Variants in NTMT1 observed in about 807,000 individuals in gnomAD.
NTMT1 encodes the protein N-terminal Xaa-Pro-Lys N-methyltransferase 1.
Under a neutral mutation model 17.5 loss-of-function variants are expected in NTMT1, and 8 were observed. The ratio of observed to expected loss-of-function variants is 0.46; its 90% CI spans 0.27 to 0.82. NTMT1 has a LOEUF of 0.82. NTMT1 is among the 40% of genes least tolerant of loss of function. The probability of loss-of-function intolerance (pLI) is 0.15; values close to 1 mark genes in which losing one functional copy is unlikely to be tolerated. For synonymous variants in NTMT1, 128 were observed against 126.8 expected, an observed-to-expected ratio of 1.01 and a Z score of -0.06; for missense variants, 221 against 303.5, an observed-to-expected ratio of 0.73 and a Z score of 2.02.
chr9:129,619,387 A>G (rs867489724), intron 1 of NTMT1: 2 of 697,810 alleles, frequency 2.9e-6, no homozygotes, highest in South Asian at 3.5e-5. Flanking sequence ...ATTCACGGAC[A>G]GCCATATGTA....
At chr9:129,619,725 C>A (rs760868670) in intron 1 of NTMT1, 1 of 1,613,622 alleles carries the variant, frequency 6.2e-7, no homozygotes, top group Non-Finnish European at 8.5e-7. Flanking sequence ...CACCAAGAAG[C>A]GGACTGACGC....
chr9:129,610,223 AAAGG>A (rs1284775611), intron 1 of NTMT1, among the ~76,000 whole-genome samples: 18 of 16,178 alleles, frequency 1.1e-3, no homozygotes, highest in East Asian at 5.6e-3. Flanking sequence ...GGGGGAGGGG[AAAGG>A]GGGAGGGAGA....
At chr9:129,628,218 ACCT>A (rs761646415) in intron 1 of NTMT1, among the ~76,000 whole-genome samples, 2 of 151,720 alleles carry the variant, frequency 1.3e-5, no homozygotes, top group Non-Finnish European at 2.9e-5. Flanking sequence ...ACTCTTAGGG[ACCT>A]CCTCCTGCCC....
chr9:129,635,190 T>C lies in NTMT1; in HGVS notation c.416-18T>C. 1.3e-6 allele frequency: 2 copies of C among 1,598,732 alleles called. No individual in the cohort carries two copies. The highest frequency in any genetic ancestry group is 2.2e-5 in the East Asian group (1 of 44,678). On this transcript the variant is annotated intron_variant, in intron 3 of 3. Transcript: ENST00000372483. Reference sequence around the variant, plus strand: ...CGCTTGCATGGTGCCCTGGTAACCTTGCCTCTGCCCTCCCCAGGCCACCTC... The same window carrying C: ...CGCTTGCATGGTGCCCTGGTAACCTCGCCTCTGCCCTCCCCAGGCCACCTC...
chr9:129,619,985 G>A, intron 1 of NTMT1: 2 of 1,465,662 alleles, frequency 1.4e-6, no homozygotes, highest in South Asian at 1.3e-5. Context: ...CTGGGTGGTG[G>A]GGTGGTGGGT....
intron 1 of NTMT1, chr9:129,612,562 A>G (rs1830143546): frequency 1.3e-6 from 1 of 793,048 alleles, no homozygotes; most frequent in African/African-American, 1.7e-5. Context: ...TAGTGCTGTC[A>G]GCCCCATTTT....
chr9:129,610,621 G>C (rs989166071), intron 1 of NTMT1, among the ~76,000 whole-genome samples: 4 of 151,902 alleles, frequency 2.6e-5, no homozygotes, highest in Non-Finnish European at 5.9e-5. Flanking sequence ...CGCGAGCGCC[G>C]CGCGAGGGGA....
chr9:129,623,241 G>A (rs1354396337), upstream of NTMT1, among the ~76,000 whole-genome samples: 1 of 151,668 alleles, frequency 6.6e-6, no homozygotes, highest in Non-Finnish European at 1.5e-5. Flanking sequence ...GCTGAGGCAG[G>A]AGAATGGCGT....
chr9:129,634,032 G>A (rs927940811), intron 2 of NTMT1, 22 bp from the exon 3 acceptor site: 2 of 1,611,248 alleles, frequency 1.2e-6, no homozygotes, highest in Non-Finnish European at 1.7e-6. Flanking sequence ...CCTCTGATAG[G>A]TTATATGCCT....
intron 1 of NTMT1, among the ~76,000 whole-genome samples, chr9:129,616,574 T>C (rs1362412592): frequency 2.0e-5 from 3 of 152,170 alleles, no homozygotes; most frequent in African/African-American, 7.2e-5. Flanking sequence ...CCCAGCCACG[T>C]GGCCTTTGGT....
At position 129,613,464 on chromosome 9, in the gene NTMT1, G is replaced by C. The variant is rs1473360629; in HGVS notation, c.-55+4286G>C. On this transcript the variant is annotated intron_variant, in intron 1 of 3. Transcript: ENST00000372486. The surrounding 1 kb of genome is among the most constrained non-coding windows in gnomAD (Gnocchi z 6.2). ...CAGCGCAGTCCCAACACGAGGAGCT[G>C]GCCAGGGTCTCCTCCTTGGCCCCAG... 1.2e-6 allele frequency: 2 copies of C among 1,614,072 alleles called. No individual in the cohort carries two copies. Among genetic ancestry groups the C allele is most frequent in the East Asian group, 2.2e-5 (1 of 44,876 alleles).
intron 1 of NTMT1, chr9:129,619,756 A>G: frequency 6.2e-7 from 1 of 1,613,940 alleles, no homozygotes; most frequent in Non-Finnish European, 8.5e-7. Flanking sequence ...TCTGGGAGGA[A>G]TGAACAGTTG....
intron 1 of NTMT1, among the ~76,000 whole-genome samples, chr9:129,616,763 C>T (rs1830409397): frequency 6.6e-6 from 1 of 152,126 alleles, no homozygotes. Flanking sequence ...TCATAGATAA[C>T]ATTGTTCCAT....
At position 129,620,126 on chromosome 9, in the gene NTMT1, C is replaced by G. The variant is rs1346891573; in HGVS notation, c.-55+10948C>G. 35 of 1,456,722 alleles carry G rather than the reference C, an allele frequency of 2.4e-5. 1 individual carries two copies. The highest frequency in any genetic ancestry group is 2.9e-5 in the African/African-American group (2 of 69,714). 90.2% of individuals were successfully genotyped at this position (1,456,722 alleles called of 1,614,324 possible). ...GAGCTGGTGCAGGAACTCACGGAACCTGCTGGGGAGGAGCTCTCCTAGGAA... is the reference window on the plus strand; with the variant it reads ...GAGCTGGTGCAGGAACTCACGGAACGTGCTGGGGAGGAGCTCTCCTAGGAA... On this transcript the variant is annotated intron_variant, in intron 1 of 3. Coordinates refer to the NTMT1 transcript ENST00000372486. The surrounding 1 kb of genome is among the most constrained non-coding windows in gnomAD (Gnocchi z 5.8).
chr9:129,630,994 C>T (rs1449459649), intron 1 of NTMT1, among the ~76,000 whole-genome samples: 1 of 152,172 alleles, frequency 6.6e-6, no homozygotes, highest in Non-Finnish European at 1.5e-5. Context: ...CACTCGAGGC[C>T]ACCCTCATCC....
At chr9:129,623,349 G>A (rs202049947), upstream of NTMT1, among the ~76,000 whole-genome samples, 25 of 143,602 alleles carry the variant, frequency 1.7e-4, no homozygotes, top group African/African-American at 2.3e-4. Context: ...AAAAAAAGAA[G>A]GAAGGAAGGA....
intron 1 of NTMT1, among the ~76,000 whole-genome samples, chr9:129,610,378 C>T (rs1830086834): frequency 6.6e-6 from 1 of 151,708 alleles, no homozygotes; most frequent in Non-Finnish European, 1.5e-5. Flanking sequence ...CGAGACCCGC[C>T]CCGGGGGCTC....
intron 2 of NTMT1, chr9:129,633,555 C>G (rs1307621188): frequency 6.4e-6 from 1 of 156,086 alleles, no homozygotes; most frequent in Non-Finnish European, 1.4e-5. Flanking sequence ...CAGTGGCTCA[C>G]TCCTGTCATC....
In NTMT1 at chr9:129,633,174, A is replaced by G. The variant is rs1433357080; in HGVS notation, c.162+309A>G. On this transcript the variant is annotated intron_variant, in intron 2 of 3. Transcript: ENST00000372483. ...AAACCCTTGCTCTCCTGCCATGTCC[A>G]CGGGTGTTTGGACTGAGGGTGTTGG... The G allele has an allele frequency of 1.8e-5, 8 of 454,172 alleles. No individual in the cohort carries two copies. In the East Asian group the frequency reaches 2.3e-4, roughly 13 times the overall value. The allele number at this position is 454,172 out of a possible 1,614,324, so 28.1% of individuals were successfully genotyped here. A position where few individuals can be genotyped will look rare whatever the true frequency, so the allele number is the denominator to read the frequency against.
Sources: allele counts gnomAD v4.1 joint callset (sites outside exome capture counted in the v4.1 genomes callset), GRCh38; gene constraint gnomAD v4.1.1; non-coding constraint Gnocchi (gnomAD v3.1); transcripts MANE v1.5; gene names NCBI Gene and HGNC (gene_info 2026-07-23, HGNC 2026-07-21).